Variants in TMTC2 observed in about 807,000 individuals in gnomAD.
The protein encoded by TMTC2 is protein O-mannosyl-transferase TMTC2.
A neutral mutation model predicts 82.4 loss-of-function variants in TMTC2; 43 were observed. The ratio of observed to expected loss-of-function variants is 0.52; its 90% CI spans 0.41 to 0.67. The LOEUF is 0.67. TMTC2 is among the 30% of genes least tolerant of loss of function. The probability of loss-of-function intolerance (pLI) is 0.00; values close to 1 mark genes in which losing one functional copy is unlikely to be tolerated. For synonymous variants in TMTC2, 408 were observed against 381.9 expected, an observed-to-expected ratio of 1.07 and a Z score of -0.80; for missense variants, 919 against 1,012.4, an observed-to-expected ratio of 0.91 and a Z score of 1.25.
chr12:83,058,029 C>A (rs764227428), intron 10 of TMTC2, among the ~76,000 whole-genome samples: 1 of 151,738 alleles, frequency 6.6e-6, no homozygotes, highest in Non-Finnish European at 1.5e-5. Context: ...TTAAGTTATT[C>A]TATTACATTA....
intron 1 of TMTC2, among the ~76,000 whole-genome samples, chr12:82,782,738 T>C (rs6539689): frequency 0.25 from 38,359 of 152,074 alleles, 6,067 homozygotes; most frequent in African/African-American, 0.44. Context: ...ATTTTCTACC[T>C]TTTCTAGACT....
chr12:82,890,027 T>G (rs1873317343), intron 2 of TMTC2, among the ~76,000 whole-genome samples: 2 of 152,204 alleles, frequency 1.3e-5, no homozygotes, highest in African/African-American at 4.8e-5. Context: ...ATTGTGTACT[T>G]TCATTTTCAC....
intron 10 of TMTC2, among the ~76,000 whole-genome samples, chr12:83,058,965 T>C (rs569992218): frequency 2.6e-5 from 4 of 151,972 alleles, no homozygotes; most frequent in African/African-American, 9.6e-5. Flanking sequence ...TAATAATAAT[T>C]GCTTCATGGT....
chr12:82,697,338 A>C (rs974554537), intron 1 of TMTC2, among the ~76,000 whole-genome samples: 2 of 150,348 alleles, frequency 1.3e-5, no homozygotes, highest in African/African-American at 4.9e-5. Flanking sequence ...CTGTCTCAAA[A>C]AAAAAAAAAA....
intron 4 of TMTC2, among the ~76,000 whole-genome samples, chr12:82,938,992 T>G (rs1876560309): frequency 6.6e-6 from 1 of 152,218 alleles, no homozygotes; most frequent in Non-Finnish European, 1.5e-5. Flanking sequence ...TTTACGTGTG[T>G]GCAGATACGT....
chr12:82,689,320 C>T (rs978067195), intron 1 of TMTC2, among the ~76,000 whole-genome samples: 1 of 147,506 alleles, frequency 6.8e-6, no homozygotes, highest in Admixed American at 6.8e-5. Context: ...AAGAAACTTA[C>T]TATAATAATG....
Position 83,105,837 on chromosome 12 carries a change from C to T in TMTC2, c.2332-26373C>T, listed in dbSNP as rs933682172. On this transcript the variant is annotated intron_variant, in intron 11 of 11. Transcript: ENST00000321196. The stretch of plus-strand genomic sequence containing the variant: ...CCTGATGAATTCCTTAGAGTAAGAT[C>T]AAGCAATTTGTTAAAGAAAACACGG... Among the ~76,000 whole-genome samples the T allele has an allele frequency of 5.5e-4, 84 of 152,100 alleles. 1 individual carries two copies. The highest frequency in any genetic ancestry group is 1.7e-3 in the African/African-American group (72 of 41,422).
At chr12:82,776,157 T>C (rs1877582896) in intron 1 of TMTC2, among the ~76,000 whole-genome samples, 1 of 152,172 alleles carries the variant, frequency 6.6e-6, no homozygotes, top group South Asian at 2.1e-4. Context: ...CTTAGGACTT[T>C]CTTGGCTTAT....
At chr12:82,923,229 G>A (rs1040302117) in intron 3 of TMTC2, among the ~76,000 whole-genome samples, 5 of 152,080 alleles carry the variant, frequency 3.3e-5, no homozygotes, top group African/African-American at 1.2e-4. Context: ...TTTCATTTCA[G>A]GGGGGTTACT....
chr12:82,782,386 G>C (rs768344857), intron 1 of TMTC2, among the ~76,000 whole-genome samples: 1 of 152,064 alleles, frequency 6.6e-6, no homozygotes, highest in Admixed American at 6.6e-5. Flanking sequence ...ACTAAATATA[G>C]GTCTCAGAAT....
chr12:82,697,993 A>T (rs1592855374), intron 1 of TMTC2, among the ~76,000 whole-genome samples: 1 of 152,338 alleles, frequency 6.6e-6, no homozygotes, highest in African/African-American at 2.4e-5. Flanking sequence ...TATTAGTGAC[A>T]TTCAGGCACC....
At chr12:82,725,188 C>T (rs79602938) in intron 1 of TMTC2, among the ~76,000 whole-genome samples, 7,135 of 151,760 alleles carry the variant, frequency 0.047, 243 homozygotes, top group Non-Finnish European at 0.068. Flanking sequence ...AGAAGACATC[C>T]AGATATCCAG....
At chr12:82,949,107 G>C (rs1877202780) in intron 4 of TMTC2, among the ~76,000 whole-genome samples, 1 of 152,150 alleles carries the variant, frequency 6.6e-6, no homozygotes, top group Admixed American at 6.5e-5. Context: ...GAAAGGTTTT[G>C]GCCTATGCTT....
intron 4 of TMTC2, among the ~76,000 whole-genome samples, chr12:82,937,992 G>A (rs1228256929): frequency 1.4e-5 from 2 of 144,310 alleles, no homozygotes; most frequent in African/African-American, 5.2e-5. Context: ...TCAGCTCACT[G>A]CAACCTCCAC....
At chr12:82,705,686 C>G (rs1873320553) in intron 1 of TMTC2, among the ~76,000 whole-genome samples, 1 of 152,162 alleles carries the variant, frequency 6.6e-6, no homozygotes, top group African/African-American at 2.4e-5. Context: ...AATGTGCTAT[C>G]TCCCGAGAAA....
At chr12:83,113,594 A>G (rs1884663917) in intron 11 of TMTC2, among the ~76,000 whole-genome samples, 1 of 152,332 alleles carries the variant, frequency 6.6e-6, no homozygotes, top group African/African-American at 2.4e-5. Context: ...TACATTTTCA[A>G]CAGGCATAAC....
chr12:83,063,894 G>A (rs1882827664), intron 11 of TMTC2, among the ~76,000 whole-genome samples: 1 of 151,824 alleles, frequency 6.6e-6, no homozygotes, highest in Non-Finnish European at 1.5e-5. Context: ...TTACAGCAGG[G>A]AACGGGGTGG....
At chr12:82,934,681 A>G (rs1354956426) in intron 4 of TMTC2, among the ~76,000 whole-genome samples, 1 of 152,198 alleles carries the variant, frequency 6.6e-6, no homozygotes, top group Non-Finnish European at 1.5e-5. Flanking sequence ...CACTGCTGCA[A>G]TAAACGTATT....
chr12:82,833,839 A>T (rs564675377), intron 1 of TMTC2, among the ~76,000 whole-genome samples: 233 of 152,332 alleles, frequency 1.5e-3, no homozygotes, highest in South Asian at 3.1e-3. Context: ...ATGTTTTTCC[A>T]TGGTCTTCTC....
Sources: allele counts gnomAD v4.1 joint callset (sites outside exome capture counted in the v4.1 genomes callset), GRCh38; gene constraint gnomAD v4.1.1; transcripts MANE v1.5; gene names NCBI Gene and HGNC (gene_info 2026-07-23, HGNC 2026-07-21).